COG8: variants seen among roughly 807,000 people sequenced by gnomAD.
The protein encoded by COG8 is conserved oligomeric Golgi complex subunit 8.
COG8 carries 45 observed loss-of-function variants against 46.5 expected under a neutral mutation model. The observed-to-expected ratio is 0.97, with a 90% CI of 0.76 to 1.24. The LOEUF is 1.24. Ranked by LOEUF, COG8 falls within the 50% of genes most tolerant of loss-of-function variation. The pLI is 0.00. For synonymous variants in COG8, 407 were observed against 347.8 expected (o/e 1.17, Z -1.90); for missense variants, 793 against 820.8 (o/e 0.97, Z 0.41).
Position 69,339,397 on chromosome 16 carries a change from C to G in COG8, c.156G>C (p.Glu52Asp), listed in dbSNP as rs2012407354. Residue 52 changes from glutamate (E) to aspartate (D), a missense_variant, in exon 1 of 6, where the codon GAG becomes GAC. Coordinates refer to ENST00000306875, the MANE Select transcript of COG8 (RefSeq NM_032382.5). ...ERPDVGRYLR[E>D]LSGSGLERLR... ...GCCGCTCCAGCCCCGAGCCGCTCAA[C>G]TCCCGGAGGTAGCGGCCCACATCGG... The G allele has an allele frequency of 6.3e-7, 1 of 1,585,964 alleles. No homozygotes were observed. The highest frequency in any genetic ancestry group is 1.3e-5 in the African/African-American group (1 of 74,624).
rs960035635 is a variant in COG8, at chr16:69,339,028, G to C, written c.377+148C>G. On this transcript the variant is annotated intron_variant, in intron 1 of 5. Transcript: ENST00000306875. ...AAAAAGGAATAACAGTACCTATCTCGAAGGCTGTTGTGAGGTTTAAATGGA... is the reference window on the plus strand; with the variant it reads ...AAAAAGGAATAACAGTACCTATCTCCAAGGCTGTTGTGAGGTTTAAATGGA... 14 of 1,081,566 alleles carry C rather than the reference G, an allele frequency of 1.3e-5. No homozygotes were observed. In the South Asian group the frequency reaches 1.9e-4, roughly 15 times the overall value. The allele number at this position is 1,081,566 out of a possible 1,614,324, so 67.0% of individuals were successfully genotyped here.
At chr16:69,336,179 C>A (rs1459429010) in intron 2 of COG8, among the ~76,000 whole-genome samples, 3 of 152,110 alleles carry the variant, frequency 2.0e-5, no homozygotes, top group Non-Finnish European at 4.4e-5. Context: ...CCCTAGACTC[C>A]CTTACCCCAT....
chr16:69,330,646 A>G, intron 5 of COG8, 167 bp downstream of exon 5: 1 of 1,407,038 alleles, frequency 7.1e-7, no homozygotes, highest in Non-Finnish European at 9.2e-7. Context: ...GCCGTCGGCC[A>G]GCACACAGCG....
chr16:69,328,926 G>T lies in COG8; in HGVS notation c.*280C>A. On this transcript the variant is annotated 3_prime_UTR_variant, in exon 6 of 6. Transcript: ENST00000306875. ...GGCAATCCAGTTTCCTGTCATATGC[G>T]AGCCATCCAAGTTGATGCCAAGTAA... 2.0e-6 allele frequency: 3 copies of T among 1,476,008 alleles called. No individual in the cohort carries two copies. The highest frequency in any genetic ancestry group is 2.7e-6 in the Non-Finnish European group (3 of 1,100,588). The allele number at this position is 1,476,008 out of a possible 1,614,324, so 91.4% of individuals were successfully genotyped here. A position where few individuals can be genotyped will look rare whatever the true frequency, so the allele number is the denominator to read the frequency against.
intron 4 of COG8, chr16:69,332,465 G>T: frequency 1.6e-6 from 1 of 611,506 alleles, no homozygotes; most frequent in Non-Finnish European, 2.9e-6. Context: ...GCCACATAAT[G>T]TATGATTCCA....
chr16:69,330,863 G>A lies in COG8; in HGVS notation c.1815C>T (p.Ala605=), dbSNP rs963791118. 1.9e-6 allele frequency: 3 copies of A among 1,542,972 alleles called. No individual in the cohort carries two copies. In the African/African-American group the frequency reaches 4.1e-5, roughly 21 times the overall value. Residue 605 remains alanine, a synonymous_variant, in exon 5 of 6, where the codon GCC becomes GCT. Transcript: ENST00000306875. The part of the protein sequence containing the change: ...CPEGGRAETQ[A]EPPSVGP ...GCTAGGGCCCCACGCTGGGCGGTTC[G>A]GCCTGCGTCTCCGCTCGCCCTCCCT... is the stretch of plus-strand genomic sequence containing the variant.
At position 69,336,597 on chromosome 16, in the gene COG8, A is replaced by G; in HGVS notation, c.493T>C (p.Cys165Arg). 1.2e-6 allele frequency: 2 copies of G among 1,614,140 alleles called. No individual in the cohort carries two copies. Among genetic ancestry groups the G allele is most frequent in the Non-Finnish European group, 1.7e-6 (2 of 1,179,984 alleles). ...ILEIPQLMDT[C>R]VRNSYYEEAL... is the part of the protein sequence containing the mutation. ...TCTTCATAATAACTGTTCCGGACAC[A>G]GGTGTCCATGAGCTGAGGAATCTCC... The change falls in exon 2 of 6, where the codon TGT (cysteine) becomes CGT (arginine). Residue 165 changes from cysteine (C) to arginine (R), a missense_variant. By Grantham distance (180) the Cys-to-Arg change is radical. Transcript: ENST00000306875.
At chr16:69,333,579 A>G (rs1210215953) in intron 3 of COG8, among the ~76,000 whole-genome samples, 1 of 152,272 alleles carries the variant, frequency 6.6e-6, no homozygotes, top group Non-Finnish European at 1.5e-5. Context: ...TCAGAAAGCT[A>G]GAACCACTGG....
chr16:69,329,078 C>G lies in COG8; in HGVS notation c.*128G>C. On this transcript the variant is annotated 3_prime_UTR_variant, in exon 6 of 6. Coordinates refer to ENST00000306875, the MANE Select transcript of COG8 (RefSeq NM_032382.5). Reference sequence around the variant, plus strand: ...GTGAACGTCCTGCTGTCCATTTTGTCAATAAACAGGCAGCCCTGCAGGTGG... The same window carrying G: ...GTGAACGTCCTGCTGTCCATTTTGTGAATAAACAGGCAGCCCTGCAGGTGG... The G allele has an allele frequency of 2.5e-6, 4 of 1,612,194 alleles. No homozygotes were observed. The South Asian group carries it at 4.4e-5, about 18-fold the overall frequency.
At chr16:69,330,743 C>T (rs989213496) in intron 5 of COG8, 70 bp downstream of exon 5, 2 of 1,434,466 alleles carry the variant, frequency 1.4e-6, no homozygotes, top group African/African-American at 2.9e-5. Context: ...GCCTTCCCGC[C>T]TCCCGAACCC....
chr16:69,331,390 T>C (rs928073768), intron 4 of COG8, among the ~76,000 whole-genome samples: 14 of 141,384 alleles, frequency 9.9e-5, no homozygotes, highest in Admixed American at 7.6e-4. Flanking sequence ...GAGGTGGAGA[T>C]TGCAGTTAGC....
rs1363053386 is a variant in COG8, at chr16:69,336,507, G to C, written c.583C>G (p.Gln195Glu). Reference protein sequence around the residue: ...ERKYSSIPVIQGIVNEVRQSM... With the variant: ...ERKYSSIPVIEGIVNEVRQSM... The stretch of plus-strand genomic sequence containing the variant: ...TCCTCTCTGGGCAAGGTGGCTACCT[G>C]GATGACAGGGATGGAAGAGTATTTC... The change falls in exon 2 of 6, where the codon CAG (glutamine) becomes GAG (glutamate). Residue 195 changes from glutamine (Q) to glutamate (E), a missense_variant and splice_region_variant. Gln to Glu is a conservative substitution (Grantham distance 29). Transcript: ENST00000306875. 6.2e-7 allele frequency: 1 copy of C among 1,613,802 alleles called. No individual in the cohort carries two copies. The highest frequency in any genetic ancestry group is 1.3e-5 in the African/African-American group (1 of 74,916).
At chr16:69,335,466 T>C in intron 2 of COG8, 118 bp from the exon 3 acceptor site, 4 of 886,014 alleles carry the variant, frequency 4.5e-6, no homozygotes, top group East Asian at 2.6e-5. Context: ...TGTGAAGTAA[T>C]TTCCTAAAGC....
rs1597222596 is a variant in COG8, at chr16:69,332,484, A to G, written c.1582+230T>C. On this transcript the variant is annotated intron_variant, in intron 4 of 5. Coordinates refer to ENST00000306875, the MANE Select transcript of COG8 (RefSeq NM_032382.5). Reference sequence around the variant, plus strand: ...CATAATGTATGATTCCATTTTTATGAAATGTCCAGAAGAGGCAAATCTATG... The same window carrying G: ...CATAATGTATGATTCCATTTTTATGGAATGTCCAGAAGAGGCAAATCTATG... 9 of 614,268 alleles carry G rather than the reference A, an allele frequency of 1.5e-5. No individual in the cohort carries two copies. The East Asian group carries it at 2.2e-4, about 15-fold the overall frequency. The allele number at this position is 614,268 out of a possible 1,614,324, so 38.1% of individuals were successfully genotyped here.
intron 5 of COG8, chr16:69,330,093 C>T: frequency 1.9e-6 from 3 of 1,579,232 alleles, no homozygotes; most frequent in Admixed American, 3.6e-5. Context: ...CTGTCAAGCA[C>T]TCGCAGGCTG....
rs757586660 is a variant in COG8 at position 69,331,041 on chromosome 16, C to T, written c.1637G>A (p.Gly546Asp). 3 of 1,613,944 alleles carry T rather than the reference C, an allele frequency of 1.9e-6. No homozygotes were observed. Among genetic ancestry groups the T allele is most frequent in the Non-Finnish European group, 2.5e-6 (3 of 1,179,982 alleles). ...KYGNLGHVNI[G>D]AIQEPLAFIL... ...AAAGGCGAGGGGCTCCTGAATGGCG[C>T]CGATGTTCACATGCCCTAGGTTACC... Residue 546 changes from glycine (G) to aspartate (D), a missense_variant, in exon 5 of 6, where the codon GGC becomes GAC. Physicochemically the swap from Gly to Asp is moderately conservative, Grantham distance 94. Transcript: ENST00000306875.
rs377259085 is a variant in COG8 at position 69,335,066 on chromosome 16, G to A, written c.868C>T (p.Arg290Cys). The A allele has an allele frequency of 6.2e-6, 10 of 1,614,166 alleles. No homozygotes were observed. The highest frequency in any genetic ancestry group is 2.7e-5 in the African/African-American group (2 of 75,042). ...VHLFDIITQY[R>C]AIFSDEDPLL... The stretch of plus-strand genomic sequence containing the variant: ...GGGTCCTCGTCTGAGAAGATGGCAC[G>A]GTACTGGGTGATGATATCAAAGAGA... The change falls in exon 3 of 6, where the codon CGT becomes TGT. Residue 290 changes from arginine (R) to cysteine (C), a missense_variant. Physicochemically the swap from Arg to Cys is radical, Grantham distance 180. Transcript: ENST00000306875.
intron 5 of COG8, chr16:69,330,142 G>T (rs768719051): frequency 6.4e-7 from 1 of 1,558,776 alleles, no homozygotes; most frequent in Non-Finnish European, 8.6e-7. Context: ...GCTCCATTTG[G>T]CGGAGCGCGC....
rs1010375287 is a variant in COG8 at position 69,328,654 on chromosome 16, A to G, written c.*552T>C. On this transcript the variant is annotated 3_prime_UTR_variant, in exon 6 of 6. Coordinates refer to ENST00000306875, the MANE Select transcript of COG8 (RefSeq NM_032382.5). ...CATGCTTACCTGCATTTTTAAAGAC[A>G]GCTTTCAGGTATTTGGGGACTACAT... 2 of 209,578 alleles carry G rather than the reference A, an allele frequency of 9.5e-6. No individual in the cohort carries two copies. Among genetic ancestry groups the G allele is most frequent in the Non-Finnish European group, 1.9e-5 (2 of 105,404 alleles). 13.0% of individuals were successfully genotyped at this position (209,578 alleles called of 1,614,324 possible).
Sources: allele counts gnomAD v4.1 joint callset (sites outside exome capture counted in the v4.1 genomes callset), GRCh38; gene constraint gnomAD v4.1.1; transcripts MANE v1.5; gene names NCBI Gene and HGNC (gene_info 2026-07-23, HGNC 2026-07-21).